Variants in MTCL1 observed in about 807,000 individuals in gnomAD.
MTCL1 encodes the protein microtubule cross-linking factor 1.
In MTCL1, 79 loss-of-function variants were observed where a neutral mutation model predicts 141.4. The ratio of observed to expected loss-of-function variants is 0.56; its 90% CI spans 0.47 to 0.67. The LOEUF is 0.67. Among genes scored for constraint, MTCL1 ranks in the 30% least tolerant of loss-of-function variants. The pLI is 0.00. For missense variants in MTCL1, 2,177 were observed against 2,113.9 expected (o/e 1.03, Z -0.59); for synonymous variants, 914 against 875.8 (o/e 1.04, Z -0.77).
chr18:8,827,480 T>A lies in MTCL1; in HGVS notation c.4722+1248T>A, dbSNP rs368772115. ...AAATATTGATACTACATGGCCTACATGTTCCAAGATCTGAGTCTTTGTGAT... is the reference window on the plus strand; with the variant it reads ...AAATATTGATACTACATGGCCTACAAGTTCCAAGATCTGAGTCTTTGTGAT... On this transcript the variant is annotated intron_variant, in intron 15 of 16. Coordinates refer to ENST00000359865, the Ensembl canonical transcript of MTCL1. Among the ~76,000 whole-genome samples, 6 of 152,364 alleles carry A rather than the reference T, an allele frequency of 3.9e-5. No homozygotes were observed. The South Asian group carries it at 1.0e-3, about 26-fold the overall frequency.
chr18:8,793,318 C>T (rs777393368), intron 8 of MTCL1, among the ~76,000 whole-genome samples, 198 bp downstream of exon 7: 2 of 151,914 alleles, frequency 1.3e-5, no homozygotes, highest in Non-Finnish European at 2.9e-5. Flanking sequence ...TCTGCTCTGG[C>T]ACATGCTTTT....
exon 12 of MTCL1, chr18:8,813,169 G>A (rs765671835): frequency 4.3e-6 from 7 of 1,613,628 alleles, no homozygotes; most frequent in East Asian, 2.2e-5. Flanking sequence ...CTTCTCGACC[G>A]CCTGGACAGA....
chr18:8,822,325 C>T lies in MTCL1; in HGVS notation c.3188+827C>T, dbSNP rs575596499. Among the ~76,000 whole-genome samples the T allele has an allele frequency of 1.1e-4, 16 of 151,510 alleles. No individual in the cohort carries two copies. The East Asian group carries it at 1.6e-3, about 15-fold the overall frequency. On this transcript the variant is annotated intron_variant, in intron 14 of 16. Transcript: ENST00000359865. The surrounding 1 kb of genome is among the most constrained non-coding windows in gnomAD (Gnocchi z 4.6). The stretch of plus-strand genomic sequence containing the variant: ...TTGGTTGATTTTTGAAATGGAGTCT[C>T]GCTCTGTCTCCCAGGCTGGAGTACA...
At chr18:8,721,555 G>T (rs1567937613) in intron 4 of MTCL1, among the ~76,000 whole-genome samples, 1 of 151,542 alleles carries the variant, frequency 6.6e-6, no homozygotes. Context: ...GCATGCCCTC[G>T]CTGGAATGTT....
rs1469393620 is a variant in MTCL1 at position 8,822,848 on chromosome 18, G to A, written c.3188+1350G>A. ...TTTCCGGTTAGGCTTTGGAGCAACTGTACTTCACCACTCAAGCCATCAACT... is the reference window on the plus strand; with the variant it reads ...TTTCCGGTTAGGCTTTGGAGCAACTATACTTCACCACTCAAGCCATCAACT... On this transcript the variant is annotated intron_variant, in intron 14 of 16. Coordinates refer to ENST00000359865, the Ensembl canonical transcript of MTCL1. This position sits in a 1 kb window ranked among gnomAD's most constrained non-coding sequence, Gnocchi z 4.6. Among the ~76,000 whole-genome samples, 1 of 152,080 alleles carries A rather than the reference G, an allele frequency of 6.6e-6. No homozygotes were observed. Among genetic ancestry groups the A allele is most frequent in the Non-Finnish European group, 1.5e-5 (1 of 68,030 alleles).
At chr18:8,717,074 G>A (rs2096133326), upstream of MTCL1, among the ~76,000 whole-genome samples, 1 of 152,140 alleles carries the variant, frequency 6.6e-6, no homozygotes, top group Non-Finnish European at 1.5e-5. Context: ...GTTCACTGGC[G>A]CACCTGTGTA....
rs1285891037 is a variant in MTCL1 at position 8,785,878 on chromosome 18, T to TTGC, written c.1732-57_1732-56insGCT. 5 of 1,521,046 alleles carry TTGC rather than the reference T, an allele frequency of 3.3e-6. No homozygotes were observed. In the East Asian group the frequency reaches 1.1e-4, roughly 35 times the overall value. 94.2% of individuals were successfully genotyped at this position (1,521,046 alleles called of 1,614,324 possible). Reference sequence around the variant, plus strand: ...CCACCCTTGTCCTTTGTTTGTTTGTTTTTTTGTTTAAAATTTTAAAGAACA... The same window carrying TTGC: ...CCACCCTTGTCCTTTGTTTGTTTGTTTGCTTTTTGTTTAAAATTTTAAAGAACA... On this transcript the variant is annotated intron_variant, in intron 6 of 16. Coordinates refer to ENST00000359865, the Ensembl canonical transcript of MTCL1.
At chr18:8,790,971 C>T (rs1188411371) in intron 7 of MTCL1, among the ~76,000 whole-genome samples, 17 of 152,090 alleles carry the variant, frequency 1.1e-4, no homozygotes, top group African/African-American at 3.6e-4. Context: ...GCCGACGTCA[C>T]GCCACTGCAC....
At chr18:8,790,329 C>T (rs1171690725) in intron 7 of MTCL1, among the ~76,000 whole-genome samples, 1 of 152,190 alleles carries the variant, frequency 6.6e-6, no homozygotes, top group Non-Finnish European at 1.5e-5. Context: ...TAGATCTTTG[C>T]TTTTCTTAAA....
chr18:8,785,597 G>A (rs746615373), intron 6 of MTCL1: 17 of 278,280 alleles, frequency 6.1e-5, no homozygotes, highest in South Asian at 9.9e-5. Flanking sequence ...CACGGGTAGC[G>A]TGCTTGCGGT....
intron 4 of MTCL1, among the ~76,000 whole-genome samples, chr18:8,762,508 G>T (rs1292058510): frequency 6.6e-6 from 1 of 152,280 alleles, no homozygotes; most frequent in Non-Finnish European, 1.5e-5. Context: ...CAAATGAACA[G>T]TCGGGGTGAT....
At chr18:8,754,432 C>G (rs2096387244) in intron 4 of MTCL1, among the ~76,000 whole-genome samples, 1 of 152,184 alleles carries the variant, frequency 6.6e-6, no homozygotes, top group African/African-American at 2.4e-5. Context: ...GTATAATACT[C>G]TACCAGGAGC....
chr18:8,825,942 G>T lies in MTCL1; in HGVS notation c.4432G>T (p.Glu1478Ter). 6.2e-7 allele frequency: 1 copy of T among 1,603,086 alleles called. No individual in the cohort carries two copies. The highest frequency in any genetic ancestry group is 1.7e-5 in the Admixed American group (1 of 59,158). The change falls in exon 15 of 17, where the codon GAG becomes TAG. Residue 1478 changes from glutamate (E) to a stop codon, truncating the protein, a stop_gained. Coordinates refer to ENST00000359865, the Ensembl canonical transcript of MTCL1. LOFTEE classifies it high-confidence loss of function. Reference sequence around the variant, plus strand: ...GTCTCGCTCAGCAGAGCCCCGACCAGAGCTGGGCCCAGGCCAGGAAACAGG... The same window carrying T: ...GTCTCGCTCAGCAGAGCCCCGACCATAGCTGGGCCCAGGCCAGGAAACAGG...
intron 4 of MTCL1, among the ~76,000 whole-genome samples, chr18:8,726,472 G>GGAGAGAGAGA (rs374393768): frequency 4.6e-4 from 61 of 131,618 alleles, no homozygotes; most frequent in African/African-American, 1.7e-3. Context: ...GAGAATAAGA[G>GGAGAGAGAGA]GAGAGAGAGA....
At chr18:8,717,816 G>A (rs2096139510) in intron 1 of MTCL1, 1 of 784,542 alleles carries the variant, frequency 1.3e-6, no homozygotes. Flanking sequence ...GCAAAGAGTG[G>A]AGGTGTGGGA....
intron 4 of MTCL1, among the ~76,000 whole-genome samples, chr18:8,721,263 C>G (rs777145051): frequency 9.2e-5 from 14 of 152,212 alleles, no homozygotes; most frequent in Non-Finnish European, 1.8e-4. Flanking sequence ...CTGCCAGCAG[C>G]CTTGCTTAGC....
intron 4 of MTCL1, among the ~76,000 whole-genome samples, chr18:8,748,286 T>C (rs1280375889): frequency 6.6e-6 from 1 of 152,000 alleles, no homozygotes; most frequent in African/African-American, 2.4e-5. Context: ...ACACTAAATA[T>C]ATTCGTATAT....
chr18:8,829,722 T>C (rs2144555494), intron 16 of MTCL1: 1 of 985,186 alleles, frequency 1.0e-6, no homozygotes, highest in Non-Finnish European at 1.2e-6. Flanking sequence ...CATGAAAAGA[T>C]GACAGGGAAC....
intron 6 of MTCL1, chr18:8,785,565 G>T: frequency 4.1e-6 from 1 of 245,604 alleles, no homozygotes; most frequent in Admixed American, 5.2e-5. Flanking sequence ...AAGGAAGGAA[G>T]AGCCTCGTTT....
Sources: allele counts gnomAD v4.1 joint callset (sites outside exome capture counted in the v4.1 genomes callset), GRCh38; gene constraint gnomAD v4.1.1; non-coding constraint Gnocchi (gnomAD v3.1); transcripts MANE v1.5; gene names NCBI Gene and HGNC (gene_info 2026-07-23, HGNC 2026-07-21).